PTGR2: variants seen among roughly 807,000 people sequenced by gnomAD.
PTGR2 encodes 15-oxoprostaglandin 13-reductase.
PTGR2 carries 32 observed loss-of-function variants against 43.4 expected under a neutral mutation model. That is an observed-to-expected ratio of 0.74 (90% CI 0.56 to 0.99). PTGR2 has a LOEUF of 0.99. PTGR2 is among the 50% of genes least tolerant of loss of function. The pLI, the probability that PTGR2 is intolerant of heterozygous loss-of-function variation, is 0.00. For missense variants in PTGR2, 373 were observed against 420.0 expected, an observed-to-expected ratio of 0.89 and a Z score of 0.98; for synonymous variants, 106 against 139.2, an observed-to-expected ratio of 0.76 and a Z score of 1.68.
chr14:73,861,055 C>CCTTTT (rs1218929611), intron 3 of PTGR2: 1 of 153,458 alleles, frequency 6.5e-6, no homozygotes, highest in Non-Finnish European at 1.4e-5. Flanking sequence ...TAGTTGACCT[C>CCTTTT]CTTTTCTTTT....
chr14:73,854,915 G>C (rs1471733581), intron 1 of PTGR2, among the ~76,000 whole-genome samples: 2 of 152,174 alleles, frequency 1.3e-5, no homozygotes, highest in African/African-American at 4.8e-5. Context: ...GATGTAACTA[G>C]CAGTCATGGA....
chr14:73,869,573 CAAAA>C (rs34798468), intron 3 of PTGR2, among the ~76,000 whole-genome samples: 4 of 101,242 alleles, frequency 4.0e-5, no homozygotes, highest in Admixed American at 1.1e-4. Context: ...GACCGTGCCT[CAAAA>C]AAAAAAAAAA....
At chr14:73,874,458 A>G (rs913975905) in intron 4 of PTGR2, 1 of 535,792 alleles carries the variant, frequency 1.9e-6, no homozygotes, top group East Asian at 3.8e-5. Context: ...ACAGATTAAC[A>G]GGAGAAAAAC....
chr14:73,852,011 A>G (rs8020267), intron 1 of PTGR2, 68 bp downstream of exon 1: 140,529 of 152,250 alleles, frequency 0.92, 64,913 homozygotes, highest in East Asian at 0.99. Flanking sequence ...AGCGGTGAGG[A>G]AGAAGACTCT....
At chr14:73,861,800 G>A (rs1337710415) in intron 3 of PTGR2, 1 of 151,880 alleles carries the variant, frequency 6.6e-6, no homozygotes, top group Non-Finnish European at 1.5e-5. Flanking sequence ...CCATGTGTCT[G>A]TTTTGTTAAC....
chr14:73,859,503 C>CTT (rs1205646862), intron 2 of PTGR2, among the ~76,000 whole-genome samples: 1 of 151,862 alleles, frequency 6.6e-6, no homozygotes, highest in East Asian at 1.9e-4. Flanking sequence ...CTAGTGGTAA[C>CTT]CTTTCCTTCT....
At chr14:73,878,930 T>C in intron 5 of PTGR2, 166 bp from the exon 6 acceptor site, 1 of 595,336 alleles carries the variant, frequency 1.7e-6, no homozygotes, top group Non-Finnish European at 2.9e-6. Context: ...TGACATTGTC[T>C]GCCCTCAGTT....
intron 5 of PTGR2, chr14:73,878,628 C>A: frequency 2.1e-6 from 1 of 478,412 alleles, no homozygotes; most frequent in South Asian, 1.6e-5. Flanking sequence ...TGAACAACTC[C>A]GTGAATCATG....
chr14:73,852,603 C>T (rs556844480), intron 1 of PTGR2, among the ~76,000 whole-genome samples: 5 of 152,170 alleles, frequency 3.3e-5, no homozygotes, highest in Admixed American at 3.3e-4. Flanking sequence ...TTAGCGCTGA[C>T]GAGCTGGGCA....
At chr14:73,857,664 G>GTTTTGTTTTTTTTT (rs2054383610) in intron 1 of PTGR2, among the ~76,000 whole-genome samples, 7 of 64,696 alleles carry the variant, frequency 1.1e-4, no homozygotes, top group Non-Finnish European at 1.9e-4. Context: ...AGCAGTTAGT[G>GTTTTGTTTTTTTTT]TTTTTTTTTT....
intron 3 of PTGR2, among the ~76,000 whole-genome samples, chr14:73,864,602 G>A (rs1566636663): frequency 1.3e-5 from 2 of 152,150 alleles, no homozygotes; most frequent in Non-Finnish European, 2.9e-5. Flanking sequence ...TTGGAGACAT[G>A]TCTATTCAGA....
chr14:73,857,007 C>T (rs1476489239), intron 1 of PTGR2, among the ~76,000 whole-genome samples: 4 of 152,190 alleles, frequency 2.6e-5, no homozygotes, highest in Non-Finnish European at 1.5e-5. Flanking sequence ...TGTAGTGGCT[C>T]ACGCCTGTAA....
chr14:73,864,735 C>A (rs1159132476), intron 3 of PTGR2, among the ~76,000 whole-genome samples: 1 of 152,066 alleles, frequency 6.6e-6, no homozygotes, highest in South Asian at 2.1e-4. Context: ...TTCTTCTATG[C>A]TGTAGGTTGT....
At chr14:73,855,914 G>A (rs1438924180) in intron 1 of PTGR2, among the ~76,000 whole-genome samples, 1 of 151,268 alleles carries the variant, frequency 6.6e-6, no homozygotes, top group East Asian at 2.0e-4. Context: ...AAATTAGCCG[G>A]GCATGGTGGC....
chr14:73,868,757 T>A (rs1028976179), intron 3 of PTGR2, among the ~76,000 whole-genome samples: 2 of 149,904 alleles, frequency 1.3e-5, no homozygotes, highest in African/African-American at 4.9e-5. Flanking sequence ...TGCCCGTTCT[T>A]TCCTGTGGAA....
At chr14:73,867,088 C>CAAAAAAAA (rs200945001) in intron 3 of PTGR2, among the ~76,000 whole-genome samples, 324 of 99,456 alleles carry the variant, frequency 3.3e-3, no homozygotes, top group East Asian at 6.7e-3. Flanking sequence ...GACTCTGTCT[C>CAAAAAAAA]AAAAAAAAAA....
intron 9 of PTGR2, among the ~76,000 whole-genome samples, chr14:73,883,500 T>G (rs751714543): frequency 3.1e-4 from 47 of 150,192 alleles, no homozygotes; most frequent in Non-Finnish European, 5.9e-5. Context: ...TTTTTTTAAT[T>G]TTTGAGACAG....
chr14:73,882,843 C>T (rs1407926185), intron 9 of PTGR2, among the ~76,000 whole-genome samples: 3 of 72,032 alleles, frequency 4.2e-5, no homozygotes, highest in Admixed American at 2.4e-4. Flanking sequence ...TTTTTTGAGA[C>T]GGAGTCTTGC....
Position 73,874,139 on chromosome 14 carries a change from T to C in PTGR2, c.273T>C (p.Thr91=). The change falls in exon 4 of 10, where the codon ACT becomes ACC. Residue 91 remains threonine, a synonymous_variant. Coordinates refer to ENST00000555661, the MANE Select transcript of PTGR2 (RefSeq NM_001146154.2). ...AAGAAAGCAAACACACAAATTTGAC[T>C]AAAGGCGATTTTGTGACTTCTTTCT... is the stretch of plus-strand genomic sequence containing the variant. ...IIEESKHTNL[T]KGDFVTSFYW... 1.9e-6 allele frequency: 3 copies of C among 1,614,028 alleles called. No homozygotes were observed. In the Admixed American group the frequency reaches 5.0e-5, roughly 27 times the overall value.
Sources: allele counts gnomAD v4.1 joint callset (sites outside exome capture counted in the v4.1 genomes callset), GRCh38; gene constraint gnomAD v4.1.1; transcripts MANE v1.5; gene names NCBI Gene and HGNC (gene_info 2026-07-23, HGNC 2026-07-21).